PAPPA2: variants seen among roughly 807,000 people sequenced by gnomAD.
PAPPA2 encodes the protein pappalysin 2.
A neutral mutation model predicts 176.4 loss-of-function variants in PAPPA2; 86 were observed. That is an observed-to-expected ratio of 0.49 (90% CI 0.41 to 0.58). PAPPA2 has a LOEUF of 0.58. Among genes scored for constraint, PAPPA2 ranks in the 20% least tolerant of loss-of-function variants. The probability of loss-of-function intolerance (pLI) is 0.00; values close to 1 mark genes in which losing one functional copy is unlikely to be tolerated. For missense variants in PAPPA2, 2,073 were observed against 2,256.9 expected (o/e 0.92, Z 1.65); for synonymous variants, 809 against 852.2 (o/e 0.95, Z 0.88).
At chr1:176,607,452 G>A (rs993401614) in intron 3 of PAPPA2, among the ~76,000 whole-genome samples, 9 of 152,158 alleles carry the variant, frequency 5.9e-5, no homozygotes, top group African/African-American at 2.2e-4. Flanking sequence ...ATGAGTGAGA[G>A]CATGCAACAT....
chr1:176,746,751 G>T (rs371880869), intron 14 of PAPPA2, among the ~76,000 whole-genome samples: 31 of 152,200 alleles, frequency 2.0e-4, no homozygotes, highest in East Asian at 7.7e-4. Context: ...GGGTTCTAAG[G>T]TTTGCCTTGA....
intron 11 of PAPPA2, 75 bp from the exon 12 acceptor site, chr1:176,711,760 G>C: frequency 1.3e-6 from 2 of 1,482,836 alleles, no homozygotes; most frequent in Non-Finnish European, 1.9e-6. Context: ...TTTGCTTTGA[G>C]CTGGAGAGTT....
At chr1:176,639,719 C>CT (rs548902178) in intron 3 of PAPPA2, among the ~76,000 whole-genome samples, 18,283 of 144,262 alleles carry the variant, frequency 0.13, 1,370 homozygotes, top group South Asian at 0.23. Context: ...CTTTTTCTTT[C>CT]TTTTTTTTTT....
At chr1:176,840,362 T>TG (rs1331331385) in intron 22 of PAPPA2, 91 bp downstream of exon 22, 1 of 990,568 alleles carries the variant, frequency 1.0e-6, no homozygotes, top group Non-Finnish European at 1.6e-6. Flanking sequence ...TGTGTAATAA[T>TG]GGGTTTGTAT....
chr1:176,528,362 A>G (rs1649607981), intron 1 of PAPPA2, among the ~76,000 whole-genome samples: 1 of 152,258 alleles, frequency 6.6e-6, no homozygotes, highest in African/African-American at 2.4e-5. Context: ...TTGGAGATCC[A>G]GAGCTAGATT....
At chr1:176,673,598 A>G (rs1659130900) in intron 4 of PAPPA2, among the ~76,000 whole-genome samples, 2 of 152,154 alleles carry the variant, frequency 1.3e-5, no homozygotes, top group Admixed American at 6.6e-5. Flanking sequence ...GAGACAAATC[A>G]TGACTTCTTG....
chr1:176,547,838 C>T (rs1650724361), intron 1 of PAPPA2, among the ~76,000 whole-genome samples: 1 of 152,188 alleles, frequency 6.6e-6, no homozygotes, highest in Non-Finnish European at 1.5e-5. Flanking sequence ...AGAACCACTA[C>T]TCTACCACAA....
intron 1 of PAPPA2, among the ~76,000 whole-genome samples, chr1:176,475,622 TA>T (rs1372259461): frequency 6.6e-6 from 1 of 152,212 alleles, no homozygotes; most frequent in Non-Finnish European, 1.5e-5. Context: ...ATTTACTTTC[TA>T]AAAATCCCAC....
At chr1:176,545,577 G>C (rs1485927430) in intron 1 of PAPPA2, among the ~76,000 whole-genome samples, 1 of 151,986 alleles carries the variant, frequency 6.6e-6, no homozygotes, top group Non-Finnish European at 1.5e-5. Context: ...AAGTAATCTG[G>C]AGATGATTTA....
intron 2 of PAPPA2, among the ~76,000 whole-genome samples, chr1:176,579,522 A>G (rs573991954): frequency 7.9e-5 from 12 of 152,136 alleles, no homozygotes; most frequent in Admixed American, 6.5e-4. Flanking sequence ...CCTCCAAACT[A>G]TTTCCTGGTG....
intron 12 of PAPPA2, among the ~76,000 whole-genome samples, chr1:176,724,703 CTG>C (rs1661785285): frequency 6.6e-6 from 1 of 152,164 alleles, no homozygotes; most frequent in African/African-American, 2.4e-5. Context: ...CAAACACTGA[CTG>C]TGAATCTTCA....
chr1:176,641,599 T>A (rs1009582382), intron 3 of PAPPA2, among the ~76,000 whole-genome samples: 1 of 152,044 alleles, frequency 6.6e-6, no homozygotes, highest in African/African-American at 2.4e-5. Context: ...TGTAGCCTTG[T>A]AGTATAGTTT....
At chr1:176,463,505 G>A (rs1651473333) in intron 1 of PAPPA2, 87 bp downstream of exon 1, 1 of 152,348 alleles carries the variant, frequency 6.6e-6, no homozygotes, top group Admixed American at 6.5e-5. Flanking sequence ...GGCTTGTGCA[G>A]GGGGGTGTTA....
chr1:176,792,131 A>G (rs758376785), intron 19 of PAPPA2, among the ~76,000 whole-genome samples: 3 of 152,220 alleles, frequency 2.0e-5, no homozygotes, highest in Non-Finnish European at 4.4e-5. Context: ...ATCATTCTTC[A>G]GCCATTCTTT....
At chr1:176,839,417 T>A (rs375173651) in intron 21 of PAPPA2, among the ~76,000 whole-genome samples, 32 of 152,344 alleles carry the variant, frequency 2.1e-4, no homozygotes, top group African/African-American at 7.7e-4. Context: ...TAGTTCGTGC[T>A]GATTTACTGC....
At chr1:176,506,749 T>C (rs555195466) in intron 1 of PAPPA2, among the ~76,000 whole-genome samples, 154 of 152,248 alleles carry the variant, frequency 1.0e-3, no homozygotes, top group South Asian at 2.7e-3. Context: ...AGCAGCCTTT[T>C]TGTGTAGTCT....
At chr1:176,474,119 A>G (rs1317536201) in intron 1 of PAPPA2, among the ~76,000 whole-genome samples, 1 of 152,196 alleles carries the variant, frequency 6.6e-6, no homozygotes, top group Admixed American at 6.5e-5. Flanking sequence ...CTTTTAAATG[A>G]TTCCCCTAAA....
chr1:176,580,435 T>C (rs1384615901), intron 2 of PAPPA2, among the ~76,000 whole-genome samples: 1 of 152,242 alleles, frequency 6.6e-6, no homozygotes. Flanking sequence ...GTTGATTCTA[T>C]ATATTGGCTA....
intron 1 of PAPPA2, among the ~76,000 whole-genome samples, chr1:176,473,827 A>G (rs1013894528): frequency 6.6e-6 from 1 of 152,020 alleles, no homozygotes; most frequent in African/African-American, 2.4e-5. Flanking sequence ...CATCTCCTCT[A>G]TCTTCTTTGG....
Sources: allele counts gnomAD v4.1 joint callset (sites outside exome capture counted in the v4.1 genomes callset), GRCh38; gene constraint gnomAD v4.1.1; transcripts MANE v1.5; gene names NCBI Gene and HGNC (gene_info 2026-07-23, HGNC 2026-07-21).